The following MRPL43 variants were observed in gnomAD, a reference collection of about 807,000 sequenced individuals.
MRPL43 encodes the protein mitochondrial ribosomal protein L43, also known as large ribosomal subunit protein mL43.
A neutral mutation model predicts 12.7 loss-of-function variants in MRPL43; 9 were observed. The ratio of observed to expected loss-of-function variants is 0.71; its 90% CI spans 0.43 to 1.24. The LOEUF (loss-of-function observed/expected upper bound fraction) is 1.24. MRPL43 is among the 50% of genes most tolerant of loss of function. The pLI is 0.00. For missense variants in MRPL43, 211 were observed against 229.2 expected, an observed-to-expected ratio of 0.92 and a Z score of 0.51; for synonymous variants, 116 against 96.4, an observed-to-expected ratio of 1.20 and a Z score of -1.19.
downstream of MRPL43, chr10:100,981,659 T>G: frequency 7.7e-7 from 1 of 1,300,110 alleles, no homozygotes; most frequent in South Asian, 1.3e-5. Context: ...ACAGCATTCT[T>G]ATGAGAAAGG....
downstream of MRPL43, chr10:100,979,808 T>A (rs771083138): frequency 1.2e-6 from 2 of 1,607,492 alleles, no homozygotes; most frequent in East Asian, 2.2e-5. Context: ...CAGGCTTGAC[T>A]CCATGTAACT....
downstream of MRPL43, chr10:100,981,145 TA>T: frequency 6.2e-7 from 1 of 1,614,094 alleles, no homozygotes; most frequent in South Asian, 1.1e-5. Context: ...CCCTTGTTCA[TA>T]AAACCTGATC....
chr10:100,979,821 C>T (rs763322979), downstream of MRPL43: 4 of 1,610,510 alleles, frequency 2.5e-6, no homozygotes, highest in East Asian at 8.9e-5. Flanking sequence ...ATGTAACTCA[C>T]CCCCCTTGCC....
downstream of MRPL43, chr10:100,980,371 C>T: frequency 6.3e-7 from 1 of 1,592,340 alleles, no homozygotes; most frequent in Non-Finnish European, 8.6e-7. Flanking sequence ...TCCCTGATCC[C>T]TGTTGGCCCT....
At chr10:100,986,199 T>G, downstream of MRPL43, 1 of 816,114 alleles carries the variant, frequency 1.2e-6, no homozygotes, top group Non-Finnish European at 1.6e-6. Context: ...TTATATGTTC[T>G]GCGTCTAGTT....
downstream of MRPL43, chr10:100,979,262 G>A: frequency 5.6e-6 from 9 of 1,614,214 alleles, no homozygotes; most frequent in Non-Finnish European, 6.8e-6. Context: ...TTCACGCTGA[G>A]CACACAGTGG....
downstream of MRPL43, chr10:100,980,291 C>T: frequency 1.2e-6 from 2 of 1,614,248 alleles, no homozygotes. Context: ...CTTACAGGGA[C>T]ACCTGTCACC....
Position 100,986,689 on chromosome 10 carries a change from G to A in MRPL43, c.*45C>T, listed in dbSNP as rs772222817. 1.1e-5 allele frequency: 17 copies of A among 1,613,872 alleles called. No homozygotes were observed. The highest frequency in any genetic ancestry group is 7.7e-5 in the South Asian group (7 of 91,082). On this transcript the variant is annotated 3_prime_UTR_variant, in exon 3 of 3. Transcript: ENST00000318364. ...CAAAGGGGAAGAACCACCTTTACCG[G>A]AGTAACAGTCCAAAGCCTGGGGCTG...
chr10:100,983,774 A>G (rs778047878), downstream of MRPL43: 3 of 1,609,744 alleles, frequency 1.9e-6, no homozygotes, highest in South Asian at 1.1e-5. Context: ...CCAGCCGGGC[A>G]GGAGGATCTG....
downstream of MRPL43, chr10:100,981,473 G>A: frequency 1.9e-6 from 3 of 1,614,220 alleles, no homozygotes; most frequent in South Asian, 1.1e-5. Flanking sequence ...TTATAGCCAA[G>A]TAGTGGATGA....
At chr10:100,979,845 T>C (rs1236628183), downstream of MRPL43, 10 of 1,613,082 alleles carry the variant, frequency 6.2e-6, no homozygotes, top group Non-Finnish European at 8.5e-6. Context: ...TGTCCCATTC[T>C]AGGAAGACCC....
rs1379886482 is a variant in MRPL43 at position 100,987,401 on chromosome 10, G to A, written c.43C>T (p.Leu15Phe). The change falls in exon 1 of 3, where the codon CTC becomes TTC. Residue 15 changes from leucine (L) to phenylalanine (F), a missense_variant. By Grantham distance (22) the Leu-to-Phe change is conservative. Transcript: ENST00000318364. ...GTPSRFLASV[L>F]HNGLGRYVQQ... ...ACATAGCGACCCAGTCCGTTGTGGA[G>A]AACGCTGGCCAAGAAGCGGCTCGGA... 2.5e-6 allele frequency: 4 copies of A among 1,612,634 alleles called. No homozygotes were observed. The Admixed American group carries it at 5.0e-5, about 20-fold the overall frequency.
chr10:100,978,936 A>C, downstream of MRPL43: 1 of 1,614,112 alleles, frequency 6.2e-7, no homozygotes, highest in Non-Finnish European at 8.5e-7. Context: ...TTCTTCACGG[A>C]GCGTGCCACT....
chr10:100,986,794 G>C lies in MRPL43; in HGVS notation c.420C>G (p.Phe140Leu), dbSNP rs1210235505. 1 of 1,613,816 alleles carries C rather than the reference G, an allele frequency of 6.2e-7. No homozygotes were observed. The highest frequency in any genetic ancestry group is 2.2e-5 in the East Asian group (1 of 44,892). ...WHPFTNKPTT[F>L]RGLRPREVQD... is the part of the protein sequence containing the mutation. Reference sequence around the variant, plus strand: ...GAACCTCTCGGGGGCGTAGCCCGCGGAACGTGGTCGGCTTGTTGGTGAAGG... The same window carrying C: ...GAACCTCTCGGGGGCGTAGCCCGCGCAACGTGGTCGGCTTGTTGGTGAAGG... The change falls in exon 3 of 3, where the codon TTC becomes TTG. Residue 140 changes from phenylalanine (F) to leucine (L), a missense_variant. Physicochemically the swap from Phe to Leu is conservative, Grantham distance 22 (BLOSUM62 0). Transcript: ENST00000318364.
At chr10:100,984,964 T>C, downstream of MRPL43, 1 of 1,410,974 alleles carries the variant, frequency 7.1e-7, no homozygotes, top group Non-Finnish European at 9.3e-7. Flanking sequence ...CACATGTGCT[T>C]ACATTTCCAC....
downstream of MRPL43, among the ~76,000 whole-genome samples, chr10:100,982,647 C>T (rs1260917690): frequency 6.6e-6 from 1 of 152,200 alleles, no homozygotes; most frequent in African/African-American, 2.4e-5. Context: ...CAAAAACTAG[C>T]TGGGCATGGT....
downstream of MRPL43, among the ~76,000 whole-genome samples, chr10:100,982,247 G>A (rs752386734): frequency 2.6e-5 from 4 of 152,012 alleles, no homozygotes; most frequent in African/African-American, 4.8e-5. Context: ...TGGCACATTT[G>A]AGTGACAGGA....
At chr10:100,978,748 C>T, downstream of MRPL43, 1 of 1,557,826 alleles carries the variant, frequency 6.4e-7, no homozygotes, top group Non-Finnish European at 8.8e-7. Context: ...TGAGCCTGTC[C>T]ATTCCATTCC....
In MRPL43 at chr10:100,986,386, G is replaced by T. The variant is rs1027303711; in HGVS notation, c.*348C>A. On this transcript the variant is annotated 3_prime_UTR_variant, in exon 3 of 3. Coordinates refer to ENST00000318364, the MANE Select transcript of MRPL43 (RefSeq NM_032112.3). ...CGTAGCTCAGTGGTTGTTCCAATAA[G>T]ACATCAGGGATTCTTCAGAAGCCAG... 6.8e-7 allele frequency: 1 copy of T among 1,465,762 alleles called. No homozygotes were observed. 90.8% of individuals were successfully genotyped at this position (1,465,762 alleles called of 1,614,324 possible).
Sources: gnomAD v4.1 joint callset for allele counts (sites outside exome capture counted in the v4.1 genomes callset) on GRCh38, gnomAD v4.1.1 for gene constraint, MANE v1.5 for transcripts, NCBI Gene and HGNC (gene_info 2026-07-23, HGNC 2026-07-21) for gene names.